LINGO2: variants seen among roughly 807,000 people sequenced by gnomAD.
LINGO2 encodes leucine-rich repeat and immunoglobulin-like domain-containing nogo receptor-interacting protein 2.
A neutral mutation model predicts 30.6 loss-of-function variants in LINGO2; 14 were observed. The observed-to-expected ratio is 0.46, with a 90% CI of 0.30 to 0.72. The LOEUF (loss-of-function observed/expected upper bound fraction) is 0.72. Among genes scored for constraint, LINGO2 ranks in the 30% least tolerant of loss-of-function variants. The pLI, the probability that LINGO2 is intolerant of heterozygous loss-of-function variation, is 0.07. For missense variants in LINGO2, 729 were observed against 751.7 expected (o/e 0.97, Z 0.35); for synonymous variants, 317 against 288.5 (o/e 1.10, Z -1.00).
intron 1 of LINGO2, among the ~76,000 whole-genome samples, chr9:28,567,945 C>G (rs1300844042): frequency 6.6e-6 from 1 of 152,040 alleles, no homozygotes; most frequent in African/African-American, 2.4e-5. Context: ...TCAGTTCGAA[C>G]AAGCAAAGCT....
the LINGO2 span, among the ~76,000 whole-genome samples, chr9:28,983,885 T>C: frequency 4.6e-5 from 7 of 152,050 alleles, no homozygotes; most frequent in Admixed American, 6.6e-5. Context: ...GATAGCACCA[T>C]ACACTGATAT....
At chr9:28,111,108 C>A (rs1301791253) in intron 4 of LINGO2, among the ~76,000 whole-genome samples, 2 of 151,998 alleles carry the variant, frequency 1.3e-5, no homozygotes, top group African/African-American at 4.8e-5. Context: ...AAGCTGGAAG[C>A]CATCATTCTC....
the LINGO2 span, among the ~76,000 whole-genome samples, chr9:28,941,951 C>T: frequency 6.6e-6 from 1 of 152,052 alleles, no homozygotes; most frequent in African/African-American, 2.4e-5. Flanking sequence ...AAGGTACTCC[C>T]CCTTTATTTC....
At chr9:28,925,298 G>T in the LINGO2 span, among the ~76,000 whole-genome samples, 1 of 152,140 alleles carries the variant, frequency 6.6e-6, no homozygotes, top group Non-Finnish European at 1.5e-5. Flanking sequence ...TTTACCTGGG[G>T]ATCTTGAACC....
intron 1 of LINGO2, among the ~76,000 whole-genome samples, chr9:28,543,021 A>G (rs1821770889): frequency 6.6e-6 from 1 of 152,140 alleles, no homozygotes; most frequent in South Asian, 2.1e-4. Context: ...AGTGACAAAT[A>G]TGGTAAAACA....
chr9:28,295,773 G>A (rs1238611990), intron 3 of LINGO2, among the ~76,000 whole-genome samples: 3 of 152,108 alleles, frequency 2.0e-5, no homozygotes, highest in Admixed American at 1.3e-4. Context: ...AAACCCATGA[G>A]CAGTTAGAGC....
intron 2 of LINGO2, among the ~76,000 whole-genome samples, chr9:28,467,961 T>C (rs943226597): frequency 1.3e-5 from 2 of 152,184 alleles, no homozygotes; most frequent in African/African-American, 4.8e-5. Context: ...ATATACAATA[T>C]TGTATTACAT....
chr9:28,399,633 C>A (rs538597672), intron 2 of LINGO2, among the ~76,000 whole-genome samples: 111 of 152,188 alleles, frequency 7.3e-4, no homozygotes, highest in Non-Finnish European at 1.2e-3. Context: ...AACGAAGTGA[C>A]CATTTTCCAC....
At chr9:28,738,279 C>T in the LINGO2 span, among the ~76,000 whole-genome samples, 1 of 152,044 alleles carries the variant, frequency 6.6e-6, no homozygotes, top group Non-Finnish European at 1.5e-5. Context: ...AATTAATATT[C>T]TCTCTCTTTC....
chr9:28,026,989 T>C (rs1241852281), intron 4 of LINGO2, among the ~76,000 whole-genome samples: 1 of 152,168 alleles, frequency 6.6e-6, no homozygotes, highest in Non-Finnish European at 1.5e-5. Context: ...TGTAGTTATC[T>C]AATGGTCCAT....
Position 27,949,162 on chromosome 9 carries a change from C to T in LINGO2, c.1510G>A (p.Ala504Thr), listed in dbSNP as rs146048453. ...TTCGCATAAAGAAAACGATCTGAAG[C>T]GAATCCTTTCACAGTTAAGGAGGCT... The change falls in exon 6 of 6, where the codon GCT becomes ACT. Residue 504 changes from alanine (A) to threonine (T), a missense_variant. Physicochemically the swap from Ala to Thr is moderately conservative, Grantham distance 58. Transcript: ENST00000379992. 49 of 1,614,034 alleles carry T rather than the reference C, an allele frequency of 3.0e-5. No individual in the cohort carries two copies. The African/African-American group carries it at 4.3e-4, about 14-fold the overall frequency.
At chr9:28,217,800 G>C in intron 4 of LINGO2, among the ~76,000 whole-genome samples, 1 of 151,966 alleles carries the variant, frequency 6.6e-6, no homozygotes, top group East Asian at 1.9e-4. Flanking sequence ...AATAGGAACT[G>C]CTTTTAAAGT....
intron 4 of LINGO2, among the ~76,000 whole-genome samples, chr9:28,192,450 A>C (rs951807694): frequency 1.3e-5 from 2 of 152,060 alleles, no homozygotes; most frequent in African/African-American, 4.8e-5. Flanking sequence ...GTGCCTACCT[A>C]GATATTTGGC....
the LINGO2 span, among the ~76,000 whole-genome samples, chr9:28,711,349 C>T: frequency 1.3e-5 from 2 of 151,990 alleles, no homozygotes; most frequent in Non-Finnish European, 2.9e-5. Context: ...TCAGTTTCCT[C>T]ATCTGTAAAA....
intron 4 of LINGO2, among the ~76,000 whole-genome samples, chr9:28,168,063 T>A (rs1356070606): frequency 6.6e-6 from 1 of 152,206 alleles, no homozygotes; most frequent in African/African-American, 2.4e-5. Context: ...GTGACTTGAT[T>A]CTCTAAAACT....
At chr9:28,343,510 T>C (rs1564136051) in intron 3 of LINGO2, among the ~76,000 whole-genome samples, 4 of 152,198 alleles carry the variant, frequency 2.6e-5, no homozygotes, top group Admixed American at 2.6e-4. Context: ...TATACATAGA[T>C]TGTCCTGTAT....
intron 4 of LINGO2, among the ~76,000 whole-genome samples, chr9:28,264,939 T>C (rs1278595193): frequency 6.6e-6 from 1 of 151,764 alleles, no homozygotes; most frequent in Non-Finnish European, 1.5e-5. Context: ...AAAATTGAGG[T>C]TTCCTAGAGA....
chr9:28,538,776 T>C (rs1014223959), intron 1 of LINGO2, among the ~76,000 whole-genome samples: 1 of 152,084 alleles, frequency 6.6e-6, no homozygotes, highest in Non-Finnish European at 1.5e-5. Flanking sequence ...GGAGTCCTCA[T>C]GACCGAAACA....
At chr9:27,984,956 G>T (rs1821053463) in intron 5 of LINGO2, among the ~76,000 whole-genome samples, 1 of 151,884 alleles carries the variant, frequency 6.6e-6, no homozygotes, top group African/African-American at 2.4e-5. Context: ...TAAAGTAAAT[G>T]CTGTAAACAA....
Sources: allele counts gnomAD v4.1 joint callset (sites outside exome capture counted in the v4.1 genomes callset), GRCh38; gene constraint gnomAD v4.1.1; transcripts MANE v1.5; gene names NCBI Gene and HGNC (gene_info 2026-07-23, HGNC 2026-07-21).